The following MYO1D variants were observed in gnomAD, a reference collection of about 807,000 sequenced individuals.
MYO1D encodes the protein unconventional myosin-Id.
A neutral mutation model predicts 122.0 loss-of-function variants in MYO1D; 83 were observed. The ratio of observed to expected loss-of-function variants is 0.68; its 90% CI spans 0.57 to 0.82. MYO1D has a LOEUF of 0.82. MYO1D is among the 40% of genes least tolerant of loss of function. The pLI, the probability that MYO1D is intolerant of heterozygous loss-of-function variation, is 0.00. For synonymous variants in MYO1D, 464 were observed against 446.9 expected, an observed-to-expected ratio of 1.04 and a Z score of -0.48; for missense variants, 1,157 against 1,269.5, an observed-to-expected ratio of 0.91 and a Z score of 1.35.
chr17:32,586,538 T>G (rs568129600), intron 21 of MYO1D, among the ~76,000 whole-genome samples: 3 of 152,346 alleles, frequency 2.0e-5, no homozygotes, highest in African/African-American at 7.2e-5. Flanking sequence ...GGGTTTTTCT[T>G]ATTTGCAAAT....
At chr17:32,792,545 A>C (rs2090364732) in intron 1 of MYO1D, 1 of 152,224 alleles carries the variant, frequency 6.6e-6, no homozygotes, top group African/African-American at 2.4e-5. Flanking sequence ...CATGGTTTCC[A>C]TGTGATGGAG....
chr17:32,841,154 G>A (rs745988761), intron 1 of MYO1D, among the ~76,000 whole-genome samples: 1 of 152,134 alleles, frequency 6.6e-6, no homozygotes, highest in Non-Finnish European at 1.5e-5. Context: ...TTCAACTTAT[G>A]ATGGGTTTAT....
intron 1 of MYO1D, among the ~76,000 whole-genome samples, chr17:32,785,626 CTGGT>C (rs1013932813): frequency 3.9e-5 from 6 of 152,190 alleles, no homozygotes; most frequent in African/African-American, 1.2e-4. Flanking sequence ...GCTAAATTCA[CTGGT>C]TGGTTTTCTA....
chr17:32,677,305 T>C (rs2088826204), intron 16 of MYO1D, among the ~76,000 whole-genome samples: 1 of 152,108 alleles, frequency 6.6e-6, no homozygotes, highest in Non-Finnish European at 1.5e-5. Flanking sequence ...AATCACTCCA[T>C]GAATGGCAGC....
At chr17:32,867,739 G>C (rs58468184) in intron 1 of MYO1D, among the ~76,000 whole-genome samples, 89 of 140,028 alleles carry the variant, frequency 6.4e-4, no homozygotes, top group African/African-American at 2.2e-3. Flanking sequence ...GGAGGTTGCA[G>C]TGAGCCGAGA....
chr17:32,539,969 A>G (rs186460104), intron 21 of MYO1D, among the ~76,000 whole-genome samples: 288 of 152,344 alleles, frequency 1.9e-3, no homozygotes, highest in South Asian at 0.011. Context: ...TCTAAACCAA[A>G]AGCACAAGCA....
chr17:32,709,148 A>T (rs2089344377), intron 16 of MYO1D, among the ~76,000 whole-genome samples: 1 of 152,216 alleles, frequency 6.6e-6, no homozygotes, highest in Non-Finnish European at 1.5e-5. Context: ...GGCACCATGT[A>T]GAAAGAAAGT....
At chr17:32,868,675 C>T (rs911802187) in intron 1 of MYO1D, among the ~76,000 whole-genome samples, 4 of 152,058 alleles carry the variant, frequency 2.6e-5, no homozygotes, top group Non-Finnish European at 5.9e-5. Context: ...ATATACCAGG[C>T]ACTTGCTGAA....
chr17:32,618,639 C>CTT (rs35604698), intron 20 of MYO1D, among the ~76,000 whole-genome samples: 4,496 of 144,098 alleles, frequency 0.031, 87 homozygotes, highest in Middle Eastern at 0.042. Flanking sequence ...TTAATTAATT[C>CTT]TTTTTTTTTT....
chr17:32,772,916 G>T, intron 4 of MYO1D, 74 bp from the exon 5 acceptor site: 1 of 1,211,390 alleles, frequency 8.3e-7, no homozygotes, highest in Non-Finnish European at 1.2e-6. Context: ...CTTTCTTAGG[G>T]AACTGTCAGG....
intron 16 of MYO1D, among the ~76,000 whole-genome samples, chr17:32,691,201 A>G (rs965730348): frequency 1.3e-5 from 2 of 151,402 alleles, no homozygotes; most frequent in Admixed American, 1.3e-4. Context: ...AGGCTGCAAC[A>G]TATTAGGATC....
chr17:32,863,373 C>T (rs185626381), intron 1 of MYO1D, among the ~76,000 whole-genome samples: 7 of 152,318 alleles, frequency 4.6e-5, no homozygotes, highest in African/African-American at 1.4e-4. Flanking sequence ...AAACTCTTGC[C>T]CTACGACTGA....
At chr17:32,726,926 T>G (rs2089583206) in intron 14 of MYO1D, among the ~76,000 whole-genome samples, 1 of 152,304 alleles carries the variant, frequency 6.6e-6, no homozygotes, top group Admixed American at 6.5e-5. Flanking sequence ...ATTGGCCTTG[T>G]ATTTCCTAGG....
chr17:32,610,614 T>C (rs1289808141), intron 20 of MYO1D, among the ~76,000 whole-genome samples: 1 of 152,134 alleles, frequency 6.6e-6, no homozygotes, highest in East Asian at 1.9e-4. Context: ...ATCAGGTGCC[T>C]TGTCTACCTT....
intron 21 of MYO1D, among the ~76,000 whole-genome samples, chr17:32,535,570 A>AC (rs1231303270): frequency 1.3e-5 from 2 of 152,076 alleles, no homozygotes; most frequent in Non-Finnish European, 2.9e-5. Flanking sequence ...ACATGGTGAA[A>AC]CCCCATCTCT....
intron 16 of MYO1D, among the ~76,000 whole-genome samples, chr17:32,697,827 T>C (rs758488924): frequency 2.6e-5 from 4 of 152,212 alleles, no homozygotes; most frequent in African/African-American, 4.8e-5. Context: ...ATTTTGCAAA[T>C]TGCATTCTGC....
chr17:32,628,917 A>C (rs1288853086), intron 20 of MYO1D, among the ~76,000 whole-genome samples: 1 of 152,230 alleles, frequency 6.6e-6, no homozygotes. Context: ...GTGTCCATAC[A>C]AAAAACCTGC....
At chr17:32,859,583 A>G (rs1248613071) in intron 1 of MYO1D, among the ~76,000 whole-genome samples, 1 of 152,192 alleles carries the variant, frequency 6.6e-6, no homozygotes, top group African/African-American at 2.4e-5. Context: ...AGATAAATCT[A>G]CATCTCTTCA....
rs545385616 is a variant in MYO1D at position 32,722,375 on chromosome 17, G to T, written c.1747-1186C>A. 1.0e-3 allele frequency among the ~76,000 whole-genome samples: 153 copies of T among 152,312 alleles called. 1 individual carries two copies. Among genetic ancestry groups the T allele is most frequent in the African/African-American group, 3.3e-3 (136 of 41,564 alleles). ...GTTTAACTGAGTCAAAAGTCAATGT[G>T]TCAGCAGGGTTGGTGTTTTTGGGAG... On this transcript the variant is annotated intron_variant, in intron 14 of 21. Transcript: ENST00000318217.
Sources: gnomAD v4.1 joint callset for allele counts (sites outside exome capture counted in the v4.1 genomes callset) on GRCh38, gnomAD v4.1.1 for gene constraint, MANE v1.5 for transcripts, NCBI Gene and HGNC (gene_info 2026-07-23, HGNC 2026-07-21) for gene names.